The following MPP7 variants were observed in gnomAD, a reference collection of about 807,000 sequenced individuals.
The protein encoded by MPP7 is MAGUK p55 scaffold protein 7, also known as MAGUK p55 subfamily member 7.
Under a neutral mutation model 76.5 loss-of-function variants are expected in MPP7, and 60 were observed. The observed-to-expected ratio is 0.78, with a 90% CI of 0.64 to 0.97. MPP7 has a LOEUF of 0.97. Among genes scored for constraint, MPP7 ranks in the 50% least tolerant of loss-of-function variants. The pLI is 0.00. For missense variants in MPP7, 641 were observed against 694.0 expected, an observed-to-expected ratio of 0.92 and a Z score of 0.86; for synonymous variants, 237 against 244.5, an observed-to-expected ratio of 0.97 and a Z score of 0.29.
chr10:28,297,958 A>C (rs953575474), intron 1 of MPP7, among the ~76,000 whole-genome samples: 2 of 152,236 alleles, frequency 1.3e-5, no homozygotes, highest in African/African-American at 4.8e-5. Context: ...CAGAAGAAGC[A>C]ACTCTTCATC....
chr10:28,060,778 T>C (rs965508520), intron 13 of MPP7, among the ~76,000 whole-genome samples: 4 of 152,182 alleles, frequency 2.6e-5, no homozygotes, highest in African/African-American at 7.2e-5. Flanking sequence ...GAGTCAACAA[T>C]AGTCTAAGAA....
At chr10:28,244,241 A>G (rs1221067222) in intron 1 of MPP7, among the ~76,000 whole-genome samples, 1 of 152,200 alleles carries the variant, frequency 6.6e-6, no homozygotes, top group East Asian at 1.9e-4. Flanking sequence ...GCTTTCTAGT[A>G]ACATTTTTAC....
chr10:28,275,212 C>T (rs911693751), intron 1 of MPP7, among the ~76,000 whole-genome samples: 2 of 152,156 alleles, frequency 1.3e-5, no homozygotes, highest in Non-Finnish European at 2.9e-5. Context: ...ATCTCAAACA[C>T]AACATGTTTG....
intron 1 of MPP7, chr10:28,281,902 A>T (rs925502519): frequency 1.3e-5 from 2 of 152,058 alleles, no homozygotes. Context: ...TTTCAGTTGC[A>T]TGCCGAGGGC....
At chr10:28,124,642 A>AT (rs58093733) in intron 7 of MPP7, among the ~76,000 whole-genome samples, 30,299 of 140,542 alleles carry the variant, frequency 0.22, 4,466 homozygotes, top group East Asian at 0.62. Context: ...CACTTGACTA[A>AT]TTTTTTTTTT....
chr10:28,073,756 G>A (rs2133378817), intron 12 of MPP7, among the ~76,000 whole-genome samples: 1 of 151,986 alleles, frequency 6.6e-6, no homozygotes, highest in East Asian at 1.9e-4. Context: ...GTGACAGAGT[G>A]AGACTGCATC....
At chr10:28,064,209 G>A (rs80228636) in intron 13 of MPP7, among the ~76,000 whole-genome samples, 1,846 of 152,270 alleles carry the variant, frequency 0.012, 56 homozygotes, top group East Asian at 0.11. Context: ...CAGGTGCATG[G>A]ATAGACAAAT....
intron 1 of MPP7, among the ~76,000 whole-genome samples, chr10:28,291,490 A>C (rs1840918927): frequency 1.3e-5 from 2 of 152,212 alleles, no homozygotes; most frequent in Middle Eastern, 3.2e-3. Context: ...CTGTAATCCC[A>C]GCTGCCTGGG....
chr10:28,258,613 T>C (rs1015025184), intron 1 of MPP7, among the ~76,000 whole-genome samples: 4 of 151,878 alleles, frequency 2.6e-5, no homozygotes, highest in African/African-American at 7.3e-5. Flanking sequence ...TTCACCAGGC[T>C]GGTCTTCAAC....
intron 2 of MPP7, among the ~76,000 whole-genome samples, chr10:28,221,877 A>G (rs2134067658): frequency 6.6e-6 from 1 of 152,300 alleles, no homozygotes; most frequent in Non-Finnish European, 1.5e-5. Context: ...AAAATATTTT[A>G]AAGTTTTTAT....
intron 8 of MPP7, 79 bp from the exon 9 acceptor site, chr10:28,120,747 G>A: frequency 1.8e-6 from 2 of 1,121,906 alleles, no homozygotes; most frequent in Admixed American, 2.0e-5. Context: ...AAAGTGAAAT[G>A]CATCTGAAAA....
At chr10:28,242,832 A>G (rs1196159775) in intron 1 of MPP7, among the ~76,000 whole-genome samples, 1 of 152,142 alleles carries the variant, frequency 6.6e-6, no homozygotes, top group Non-Finnish European at 1.5e-5. Flanking sequence ...GAGTAGGAGG[A>G]GGAAAAGGAA....
chr10:28,089,798 T>G lies in MPP7; in HGVS notation c.996A>C (p.Lys332Asn). ...TGCATTCATACATGGATTTATTTGTTTTCTTATCTTTTCTACTAAGACGAA... is the reference window on the plus strand; with the variant it reads ...TGCATTCATACATGGATTTATTTGTGTTCTTATCTTTTCTACTAAGACGAA... Reference protein sequence around the residue: ...KSFRLSRKDKKTNKSMYECKK... With the variant: ...KSFRLSRKDKNTNKSMYECKK... Residue 332 changes from lysine (K) to asparagine (N), a missense_variant, in exon 12 of 17, where the codon AAA (lysine) becomes AAC (asparagine). Physicochemically the swap from Lys to Asn is moderately conservative, Grantham distance 94 (BLOSUM62 0). Transcript: ENST00000683449. 1 of 1,589,882 alleles carries G rather than the reference T, an allele frequency of 6.3e-7. No homozygotes were observed. Among genetic ancestry groups the G allele is most frequent in the Non-Finnish European group, 8.6e-7 (1 of 1,159,830 alleles).
At chr10:28,104,941 GTCACATTTC>G (rs751502529) in intron 11 of MPP7, among the ~76,000 whole-genome samples, 3 of 151,764 alleles carry the variant, frequency 2.0e-5, no homozygotes, top group Non-Finnish European at 4.4e-5. Context: ...AAACACATTG[GTCACATTTC>G]TCCCTTTGCC....
At chr10:28,080,901 GA>G (rs1340698004) in intron 12 of MPP7, among the ~76,000 whole-genome samples, 1 of 152,174 alleles carries the variant, frequency 6.6e-6, no homozygotes, top group African/African-American at 2.4e-5. Flanking sequence ...TGCAACAAAA[GA>G]TATGAGAATT....
At chr10:28,087,850 A>G (rs7474568) in intron 12 of MPP7, among the ~76,000 whole-genome samples, 46,532 of 151,988 alleles carry the variant, frequency 0.31, 8,788 homozygotes, top group East Asian at 0.88. Context: ...AGCCCCATTG[A>G]GCTGGGAAAT....
chr10:28,294,140 T>C (rs1331484543), intron 1 of MPP7, among the ~76,000 whole-genome samples: 1 of 152,180 alleles, frequency 6.6e-6, no homozygotes. Context: ...ACCCTGTCTC[T>C]ACTAAAAATA....
chr10:28,197,770 A>T (rs1372629162), intron 3 of MPP7, among the ~76,000 whole-genome samples: 2 of 152,176 alleles, frequency 1.3e-5, no homozygotes, highest in African/African-American at 4.8e-5. Context: ...AAATAGTATC[A>T]ATCAGTCCAT....
intron 3 of MPP7, among the ~76,000 whole-genome samples, chr10:28,199,582 T>C (rs1837701433): frequency 6.6e-6 from 1 of 151,346 alleles, no homozygotes; most frequent in Non-Finnish European, 1.5e-5. Context: ...TCTATGTATT[T>C]AAAATTGTGT....
Sources: allele counts gnomAD v4.1 joint callset (sites outside exome capture counted in the v4.1 genomes callset), GRCh38; gene constraint gnomAD v4.1.1; transcripts MANE v1.5; gene names NCBI Gene and HGNC (gene_info 2026-07-23, HGNC 2026-07-21).